Variants in AP1G1 observed in about 807,000 individuals in gnomAD.
AP1G1 encodes the protein AP-1 complex subunit gamma-1.
A neutral mutation model predicts 108.3 loss-of-function variants in AP1G1; 7 were observed. That is an observed-to-expected ratio of 0.06 (90% CI 0.04 to 0.12). The LOEUF (loss-of-function observed/expected upper bound fraction) is 0.12, where lower values mean the gene tolerates loss of function less well. Among genes scored for constraint, AP1G1 ranks in the 10% least tolerant of loss-of-function variants. The probability of loss-of-function intolerance (pLI) is 1.00; values close to 1 mark genes in which losing one functional copy is unlikely to be tolerated. For synonymous variants in AP1G1, 379 were observed against 353.5 expected, an observed-to-expected ratio of 1.07 and a Z score of -0.81; for missense variants, 756 against 1,010.7, an observed-to-expected ratio of 0.75 and a Z score of 3.42.
chr16:71,759,835 A>G (rs1192329034), intron 10 of AP1G1, among the ~76,000 whole-genome samples: 1 of 151,966 alleles, frequency 6.6e-6, no homozygotes, highest in African/African-American at 2.4e-5. Flanking sequence ...TCAATTCTTT[A>G]AAAGTTTTCC....
rs776599723 is a variant in AP1G1, at chr16:71,765,563, T to C, written c.664A>G (p.Ile222Val). 5 of 1,613,262 alleles carry C rather than the reference T, an allele frequency of 3.1e-6. No homozygotes were observed. The highest frequency in any genetic ancestry group is 4.2e-6 in the Non-Finnish European group (5 of 1,179,402). ...CCGGACATGATGAGGTTCTTTAAAATACGAACTAATTGGGGCACAAGCTGC... is the reference window on the plus strand; with the variant it reads ...CCGGACATGATGAGGTTCTTTAAAACACGAACTAATTGGGGCACAAGCTGC... The part of the protein sequence containing the change: ...FRKLVPQLVR[I>V]LKNLIMSGYS... The change falls in exon 7 of 23, where the codon ATT becomes GTT. Residue 222 changes from isoleucine (I) to valine (V), a missense_variant. By Grantham distance (29) the Ile-to-Val change is conservative. Transcript: ENST00000299980.
At chr16:71,752,083 G>A (rs2030536749) in intron 13 of AP1G1, among the ~76,000 whole-genome samples, 1 of 151,988 alleles carries the variant, frequency 6.6e-6, no homozygotes, top group African/African-American at 2.4e-5. Flanking sequence ...GGCTGGTTAG[G>A]CATTCAAATA....
At chr16:71,734,142 T>C (rs1371016255) in intron 22 of AP1G1, among the ~76,000 whole-genome samples, 1 of 152,210 alleles carries the variant, frequency 6.6e-6, no homozygotes, top group Non-Finnish European at 1.5e-5. Flanking sequence ...AACTGATTAC[T>C]ATTAAGGTGA....
chr16:71,757,322 G>A (rs990795841), intron 11 of AP1G1, among the ~76,000 whole-genome samples: 1 of 151,884 alleles, frequency 6.6e-6, no homozygotes, highest in Non-Finnish European at 1.5e-5. Flanking sequence ...GTGGTGGCAG[G>A]CGCCTGTAAT....
intron 2 of AP1G1, among the ~76,000 whole-genome samples, chr16:71,782,681 T>G (rs1432960531): frequency 1.3e-5 from 2 of 151,818 alleles, no homozygotes; most frequent in Non-Finnish European, 2.9e-5. Context: ...AGAGACAGGG[T>G]TTCATCATGT....
At position 71,802,524 on chromosome 16, in the gene AP1G1, G is replaced by A. The variant is rs189056050; in HGVS notation, c.-4+6239C>T. On this transcript the variant is annotated intron_variant, in intron 1 of 22. Coordinates refer to ENST00000299980, the MANE Select transcript of AP1G1 (RefSeq NM_001128.6). ...GTGGGTGGATCACCTGAGGTCAGGA[G>A]GTCAAGACCAGCCTGTCCAACATGG... Among the ~76,000 whole-genome samples the A allele has an allele frequency of 6.0e-3, 916 of 151,988 alleles. 12 individuals carry two copies. Among genetic ancestry groups the A allele is most frequent in the African/African-American group, 0.02 (808 of 41,432 alleles).
At chr16:71,771,361 T>G (rs190265292) in intron 4 of AP1G1, 109 bp from the exon 5 acceptor site, 1 of 615,982 alleles carries the variant, frequency 1.6e-6, no homozygotes, top group Non-Finnish European at 2.7e-6. Context: ...GTTCATCTAC[T>G]AGAAAAATAA....
chr16:71,805,610 C>A (rs759982883), intron 1 of AP1G1, among the ~76,000 whole-genome samples: 1 of 152,084 alleles, frequency 6.6e-6, no homozygotes, highest in African/African-American at 2.4e-5. Flanking sequence ...ATTTTAAAAT[C>A]CTCATCAAAT....
At chr16:71,788,932 C>T (rs977492779) in intron 2 of AP1G1, among the ~76,000 whole-genome samples, 2 of 152,126 alleles carry the variant, frequency 1.3e-5, no homozygotes, top group East Asian at 1.9e-4. Context: ...GCTGGGATTA[C>T]AGGCACAAGC....
intron 3 of AP1G1, 93 bp downstream of exon 3, chr16:71,774,375 G>T: frequency 7.0e-7 from 1 of 1,424,726 alleles, no homozygotes; most frequent in Non-Finnish European, 9.6e-7. Flanking sequence ...CTTCACTCCA[G>T]CCTGGGCAAA....
intron 1 of AP1G1, 173 bp downstream of exon 1, chr16:71,808,590 A>C (rs1308097437): frequency 2.3e-6 from 3 of 1,289,442 alleles, no homozygotes; most frequent in Non-Finnish European, 3.0e-6. Context: ...CAGAAGTCGG[A>C]GCAGCCCCTG....
At chr16:71,784,138 G>A (rs1043120756) in intron 2 of AP1G1, among the ~76,000 whole-genome samples, 2 of 152,142 alleles carry the variant, frequency 1.3e-5, no homozygotes, top group African/African-American at 4.8e-5. Context: ...AAACATTGCC[G>A]TCCTTTAGGA....
At chr16:71,771,674 T>A (rs1222405095) in intron 4 of AP1G1, among the ~76,000 whole-genome samples, 3 of 152,260 alleles carry the variant, frequency 2.0e-5, no homozygotes, top group African/African-American at 7.2e-5. Flanking sequence ...TTAGACTATG[T>A]ATGGTTAATA....
chr16:71,769,482 C>A, intron 6 of AP1G1, 141 bp downstream of exon 6: 2 of 777,810 alleles, frequency 2.6e-6, no homozygotes, highest in East Asian at 5.4e-5. Context: ...GGCTTCCAGG[C>A]CAATTGCATA....
chr16:71,760,316 G>A (rs1188478485), intron 10 of AP1G1, among the ~76,000 whole-genome samples: 2 of 151,394 alleles, frequency 1.3e-5, no homozygotes, highest in Admixed American at 6.6e-5. Context: ...GACAAGGTGG[G>A]CTGATTACCT....
At chr16:71,737,613 T>A (rs1473722771) in intron 21 of AP1G1, among the ~76,000 whole-genome samples, 1 of 152,212 alleles carries the variant, frequency 6.6e-6, no homozygotes, top group African/African-American at 2.4e-5. Flanking sequence ...TAAATTATTC[T>A]GGCTCCTACA....
chr16:71,760,559 AAAAG>A (rs1178720611), intron 10 of AP1G1, among the ~76,000 whole-genome samples: 1 of 151,606 alleles, frequency 6.6e-6, no homozygotes, highest in Non-Finnish European at 1.5e-5. Context: ...AAAAAAAAAA[AAAAG>A]AAACAGGGTC....
chr16:71,808,534 C>T, intron 1 of AP1G1: 1 of 1,283,196 alleles, frequency 7.8e-7, no homozygotes, highest in Non-Finnish European at 1.0e-6. Flanking sequence ...CACGGAACGC[C>T]GCGGCGCGCG....
intron 1 of AP1G1, among the ~76,000 whole-genome samples, chr16:71,806,034 A>T (rs3859174): frequency 0.15 from 750 of 5,152 alleles, 13 homozygotes; most frequent in African/African-American, 0.25. Context: ...AAAATAATAA[A>T]AAAAAAAAAA....
Sources: gnomAD v4.1 joint callset for allele counts (sites outside exome capture counted in the v4.1 genomes callset) on GRCh38, gnomAD v4.1.1 for gene constraint, MANE v1.5 for transcripts, NCBI Gene and HGNC (gene_info 2026-07-23, HGNC 2026-07-21) for gene names.